Variants in RIN2 observed in about 807,000 individuals in gnomAD.
RIN2 encodes Ras and Rab interactor 2.
In RIN2, 36 loss-of-function variants were observed where a neutral mutation model predicts 78.0. The ratio of observed to expected loss-of-function variants is 0.46; its 90% confidence interval spans 0.35 to 0.61. The LOEUF (loss-of-function observed/expected upper bound fraction) is 0.61, where lower values mean the gene tolerates loss of function less well. RIN2 is among the 20% of genes least tolerant of loss of function. RIN2 has a pLI of 0.00. For missense variants in RIN2, 1,087 were observed against 1,159.7 expected, an observed-to-expected ratio of 0.94 and a Z score of 0.91; for synonymous variants, 466 against 466.8, an observed-to-expected ratio of 1.00 and a Z score of 0.02.
intron 4 of RIN2, among the ~76,000 whole-genome samples, chr20:19,936,086 G>A (rs992196504): frequency 2.0e-5 from 3 of 152,182 alleles, no homozygotes; most frequent in South Asian, 2.1e-4. Flanking sequence ...GACTAGTTCC[G>A]CCATACGCTG....
At chr20:19,970,816 C>A (rs777783759) in intron 7 of RIN2, 22 bp from the exon 8 acceptor site, 5 of 1,559,242 alleles carry the variant, frequency 3.2e-6, no homozygotes, top group Non-Finnish European at 3.5e-6. Context: ...TACAAACATT[C>A]TCTCTTTTTC....
chr20:19,998,275 C>T (rs1048093936), intron 12 of RIN2, among the ~76,000 whole-genome samples: 7 of 148,824 alleles, frequency 4.7e-5, no homozygotes, highest in Admixed American at 2.1e-4. Flanking sequence ...AGCCACTGCG[C>T]CTGGCCATTT....
chr20:20,000,565 A>C, intron 12 of RIN2, 48 bp from the exon 13 acceptor site: 1 of 1,444,094 alleles, frequency 6.9e-7, no homozygotes, highest in Non-Finnish European at 9.5e-7. Flanking sequence ...CATGCTCACT[A>C]TCTAGTTTTC....
At chr20:19,875,825 C>T (rs1309061380) in intron 2 of RIN2, among the ~76,000 whole-genome samples, 2 of 152,124 alleles carry the variant, frequency 1.3e-5, no homozygotes, top group African/African-American at 4.8e-5. Context: ...TGGGGATGCA[C>T]AGACATTTAA....
rs183148386 is a variant in RIN2, at chr20:19,889,281, A to G, written c.-36-285A>G. 0.016 allele frequency: 17,394 copies of G among 1,105,664 alleles called. 150 individuals carry two copies. Among genetic ancestry groups the G allele is most frequent in the Middle Eastern group, 0.022 (61 of 2,804 alleles). 68.5% of individuals were successfully genotyped at this position (1,105,664 alleles called of 1,614,324 possible). ...TTGGGTCTGTTCACATTTCAGCAGG[A>G]GGTGAAACACACAAAGTAATCATTA... On this transcript the variant is annotated intron_variant, in intron 2 of 12. Transcript: ENST00000255006.
At position 19,990,091 on chromosome 20, in the gene RIN2, G is replaced by C. The variant is rs1184266283; in HGVS notation, c.1848G>C (p.Met616Ile). The change falls in exon 10 of 13, where the codon ATG becomes ATC. Residue 616 changes from methionine (M) to isoleucine (I), a missense_variant. Around this residue, in one of 8 missense-constraint regions of RIN2, gnomAD observed 97 missense variants for 104.8 expected, o/e 0.93. Coordinates refer to ENST00000255006, the MANE Select transcript of RIN2 (RefSeq NM_018993.4). ...HVEAMLKDFHMADGSWKQLKE... is the reference protein window; with the variant it reads ...HVEAMLKDFHIADGSWKQLKE... ...AGGCCATGCTGAAGGACTTTCACAT[G>C]GCCGATGGCTCATGGAAGCAACTCA... 1 of 1,599,134 alleles carries C rather than the reference G, an allele frequency of 6.3e-7. No homozygotes were observed. Among genetic ancestry groups the C allele is most frequent in the Admixed American group, 1.7e-5 (1 of 57,268 alleles).
chr20:19,922,961 G>A (rs940723562), intron 3 of RIN2, among the ~76,000 whole-genome samples: 5 of 152,186 alleles, frequency 3.3e-5, no homozygotes, highest in Admixed American at 1.3e-4. Flanking sequence ...CATAACTTCC[G>A]TGAACTCTCG....
chr20:19,908,951 GC>G (rs1187476639), intron 3 of RIN2, among the ~76,000 whole-genome samples: 125 of 152,148 alleles, frequency 8.2e-4, no homozygotes, highest in Non-Finnish European at 2.6e-4. Context: ...TGCAACCTCT[GC>G]CTCCCAGGTT....
intron 1 of RIN2, among the ~76,000 whole-genome samples, chr20:19,767,910 G>A (rs979380480): frequency 3.6e-4 from 38 of 106,584 alleles, no homozygotes; most frequent in African/African-American, 1.2e-3. Context: ...GGGCAACAGA[G>A]CAAAACTGTC....
At chr20:19,885,292 T>C (rs2038146406) in intron 2 of RIN2, among the ~76,000 whole-genome samples, 1 of 152,196 alleles carries the variant, frequency 6.6e-6, no homozygotes, top group African/African-American at 2.4e-5. Flanking sequence ...GGATACAAAC[T>C]TTCAGTTCAG....
chr20:19,812,854 G>A lies in RIN2; in HGVS notation c.-37+13107G>A, dbSNP rs575686310. On this transcript the variant is annotated intron_variant, in intron 2 of 12. Transcript: ENST00000255006. ...TGAATAGGAAGTTGGTGGTTAAAAT[G>A]TCCAGATGTTGGGTAAAGAAAGACA... 3.9e-5 allele frequency among the ~76,000 whole-genome samples: 6 copies of A among 152,350 alleles called. No homozygotes were observed. In the South Asian group the frequency reaches 1.2e-3, roughly 32 times the overall value.
chr20:19,947,003 C>G (rs144181196), intron 4 of RIN2, among the ~76,000 whole-genome samples: 3,021 of 148,546 alleles, frequency 0.02, 100 homozygotes, highest in African/African-American at 0.069. Flanking sequence ...TGCACTCCAG[C>G]CTGGGTGTCA....
intron 2 of RIN2, among the ~76,000 whole-genome samples, chr20:19,820,615 C>G (rs1045522034): frequency 5.3e-5 from 8 of 152,088 alleles, no homozygotes; most frequent in African/African-American, 1.9e-4. Flanking sequence ...CTGAGCCAGC[C>G]CAGCCTCAGG....
chr20:19,879,736 C>T (rs930872103), intron 2 of RIN2, among the ~76,000 whole-genome samples: 5 of 151,906 alleles, frequency 3.3e-5, no homozygotes, highest in African/African-American at 4.8e-5. Flanking sequence ...GGACAAACAC[C>T]CGGAGACTTC....
At chr20:19,977,251 C>T (rs1269043564) in intron 9 of RIN2, among the ~76,000 whole-genome samples, 2 of 152,158 alleles carry the variant, frequency 1.3e-5, no homozygotes, top group African/African-American at 4.8e-5. Flanking sequence ...CCAGCGGCGC[C>T]AACCAGCCCA....
At chr20:19,910,831 G>A (rs1040104902) in intron 3 of RIN2, among the ~76,000 whole-genome samples, 3 of 152,098 alleles carry the variant, frequency 2.0e-5, no homozygotes, top group African/African-American at 7.2e-5. Flanking sequence ...GCCTCCCAAA[G>A]TGCTGGGATT....
chr20:19,822,211 G>A (rs2035946688), intron 2 of RIN2, among the ~76,000 whole-genome samples: 1 of 152,130 alleles, frequency 6.6e-6, no homozygotes, highest in South Asian at 2.1e-4. Context: ...GACTGGTCTG[G>A]GACAGGTTGA....
At chr20:19,953,536 G>A (rs1159239129) in intron 4 of RIN2, among the ~76,000 whole-genome samples, 1 of 151,454 alleles carries the variant, frequency 6.6e-6, no homozygotes, top group Non-Finnish European at 1.5e-5. Context: ...GCCTCCCCAA[G>A]TTCAAGCAAT....
chr20:19,913,590 C>G (rs1406141507), intron 3 of RIN2, among the ~76,000 whole-genome samples: 1 of 152,214 alleles, frequency 6.6e-6, no homozygotes, highest in Non-Finnish European at 1.5e-5. Context: ...CCCCATTCCT[C>G]CTTTTCCTCA....
Sources: gnomAD v4.1 joint callset for allele counts (sites outside exome capture counted in the v4.1 genomes callset) on GRCh38, gnomAD v4.1.1 for gene constraint, gnomAD v4.1.1 regional missense constraint, MANE v1.5 for transcripts, NCBI Gene and HGNC (gene_info 2026-07-23, HGNC 2026-07-21) for gene names.